The following COX7B2 variants were observed in gnomAD, a reference collection of about 807,000 sequenced individuals.
COX7B2 encodes the protein cytochrome c oxidase subunit 7B2.
For missense variants in COX7B2, 109 were observed against 95.9 expected (o/e 1.14, Z -0.57); for synonymous variants, 37 against 32.1 (o/e 1.15, Z -0.51).
At chr4:46,747,215 C>T (rs1000890217) in intron 2 of COX7B2, among the ~76,000 whole-genome samples, 1 of 152,150 alleles carries the variant, frequency 6.6e-6, no homozygotes, top group Non-Finnish European at 1.5e-5. Flanking sequence ...CGCCCTCCAC[C>T]CTCCAAAAGA....
rs186817244 is a variant in COX7B2 at position 46,857,279 on chromosome 4, T to C, written c.-104-12265A>G. Among the ~76,000 whole-genome samples, 13 of 152,338 alleles carry C rather than the reference T, an allele frequency of 8.5e-5. No homozygotes were observed. The East Asian group carries it at 2.3e-3, about 27-fold the overall frequency. On this transcript the variant is annotated intron_variant, in intron 1 of 2. Transcript: ENST00000355591. Reference sequence around the variant, plus strand: ...TTACCCTATCTGGCTCTTGTGAGAATAGAATTACACCACATAGTTAACAAG... The same window carrying C: ...TTACCCTATCTGGCTCTTGTGAGAACAGAATTACACCACATAGTTAACAAG...
chr4:46,889,893 A>G (rs6811055), intron 1 of COX7B2, among the ~76,000 whole-genome samples: 78,258 of 150,182 alleles, frequency 0.52, 20,567 homozygotes, highest in East Asian at 0.67. Context: ...TCTGCATTTC[A>G]GTATGGTTTT....
intron 2 of COX7B2, among the ~76,000 whole-genome samples, chr4:46,783,788 AAAAG>A (rs568446858): frequency 1.1e-3 from 161 of 152,326 alleles, no homozygotes; most frequent in African/African-American, 3.2e-3. Context: ...AACAAGGAAG[AAAAG>A]AAAGAAGAAG....
intron 2 of COX7B2, among the ~76,000 whole-genome samples, chr4:46,818,415 T>G (rs60099628): frequency 1.3e-5 from 2 of 151,902 alleles, no homozygotes; most frequent in Admixed American, 6.6e-5. Flanking sequence ...GGGTGGATCA[T>G]GAGGTCAGGA....
chr4:46,803,974 C>G (rs966753180), intron 2 of COX7B2, among the ~76,000 whole-genome samples: 1 of 152,078 alleles, frequency 6.6e-6, no homozygotes, highest in African/African-American at 2.4e-5. Flanking sequence ...GCTGCGGACC[C>G]TTGCAGTGTT....
chr4:46,843,636 TA>T (rs1400732621), intron 2 of COX7B2, among the ~76,000 whole-genome samples: 1 of 151,866 alleles, frequency 6.6e-6, no homozygotes, highest in Non-Finnish European at 1.5e-5. Flanking sequence ...GAGAAAAAAA[TA>T]AAAGCAAAAG....
chr4:46,804,176 C>G (rs1344712125), intron 2 of COX7B2, among the ~76,000 whole-genome samples: 4 of 152,096 alleles, frequency 2.6e-5, no homozygotes, highest in Non-Finnish European at 4.4e-5. Flanking sequence ...CGTGGTCTCA[C>G]TAGCTTCAAG....
rs554304049 is a variant in COX7B2 at position 46,868,023 on chromosome 4, G to C, written c.-104-23009C>G. 9.9e-5 allele frequency among the ~76,000 whole-genome samples: 15 copies of C among 152,020 alleles called. No homozygotes were observed. In the South Asian group the frequency reaches 3.1e-3, roughly 32 times the overall value. ...CAGGTCCTGGGCTTTTTTATTGGTT[G>C]GTAGTCTATTTATTACTTATTCAAT... On this transcript the variant is annotated intron_variant, in intron 1 of 2. Coordinates refer to ENST00000355591, the MANE Select transcript of COX7B2 (RefSeq NM_130902.3).
chr4:46,817,683 C>T (rs1317914173), intron 2 of COX7B2, among the ~76,000 whole-genome samples: 1 of 152,052 alleles, frequency 6.6e-6, no homozygotes, highest in African/African-American at 2.4e-5. Flanking sequence ...GTGAATATAG[C>T]CTGAAGAGGC....
intron 2 of COX7B2, among the ~76,000 whole-genome samples, chr4:46,764,024 T>G (rs1440584708): frequency 1.3e-5 from 2 of 152,184 alleles, no homozygotes; most frequent in Admixed American, 6.5e-5. Context: ...ATGAACAATA[T>G]ACTCAGGTAA....
At chr4:46,735,407 C>T (rs78874951) in intron 2 of COX7B2, among the ~76,000 whole-genome samples, 166 bp from the exon 3 acceptor site, 114 of 152,266 alleles carry the variant, frequency 7.5e-4, no homozygotes, top group African/African-American at 2.4e-3. Context: ...GCTATATGAA[C>T]TTGGGGCAAT....
chr4:46,846,962 G>T (rs1306948961), intron 1 of COX7B2, among the ~76,000 whole-genome samples: 1 of 151,990 alleles, frequency 6.6e-6, no homozygotes, highest in East Asian at 1.9e-4. Flanking sequence ...TTAGATATAT[G>T]AAATTTGAGA....
intron 1 of COX7B2, among the ~76,000 whole-genome samples, chr4:46,862,461 T>TGTGC (rs1717395204): frequency 6.6e-6 from 1 of 152,224 alleles, no homozygotes; most frequent in Non-Finnish European, 1.5e-5. Context: ...GTACATGTGT[T>TGTGC]ATGTGTTGTG....
intron 1 of COX7B2, among the ~76,000 whole-genome samples, chr4:46,871,679 C>T (rs933788655): frequency 2.0e-4 from 29 of 148,478 alleles, no homozygotes; most frequent in African/African-American, 6.9e-4. Context: ...AAGACATGAA[C>T]AGACACTTTT....
intron 2 of COX7B2, among the ~76,000 whole-genome samples, chr4:46,835,028 A>T (rs2109738755): frequency 6.6e-6 from 1 of 152,296 alleles, no homozygotes; most frequent in Admixed American, 6.5e-5. Context: ...AACAAGAAAA[A>T]CTTTCAATCA....
At chr4:46,852,267 T>C (rs1433134250) in intron 1 of COX7B2, among the ~76,000 whole-genome samples, 3 of 152,128 alleles carry the variant, frequency 2.0e-5, no homozygotes, top group African/African-American at 7.2e-5. Context: ...CTCAATTTGT[T>C]CATTAGGAGC....
intron 1 of COX7B2, among the ~76,000 whole-genome samples, chr4:46,898,714 C>T (rs981882514): frequency 2.6e-5 from 4 of 152,132 alleles, no homozygotes; most frequent in Admixed American, 6.5e-5. Flanking sequence ...CGTGAGCCAC[C>T]GTGCCCAGTC....
At chr4:46,819,539 T>TA (rs397959996) in intron 2 of COX7B2, among the ~76,000 whole-genome samples, 21,440 of 112,120 alleles carry the variant, frequency 0.19, 2,055 homozygotes, top group Admixed American at 0.35. Flanking sequence ...GCTGATGAGC[T>TA]AAAAAAAAAA....
intron 2 of COX7B2, among the ~76,000 whole-genome samples, chr4:46,763,071 TAA>T (rs1020699914): frequency 7.5e-6 from 1 of 133,436 alleles, no homozygotes; most frequent in Non-Finnish European, 1.6e-5. Flanking sequence ...ATATATTATA[TAA>T]TATATATTAC....
Sources: gnomAD v4.1 joint callset for allele counts (sites outside exome capture counted in the v4.1 genomes callset) on GRCh38, gnomAD v4.1.1 for gene constraint, MANE v1.5 for transcripts, NCBI Gene and HGNC (gene_info 2026-07-23, HGNC 2026-07-21) for gene names.